The following TBCEL variants were observed in gnomAD, a reference collection of about 807,000 sequenced individuals.
TBCEL encodes the protein tubulin folding cofactor E like.
Under a neutral mutation model 44.2 loss-of-function variants are expected in TBCEL, and 15 were observed. The ratio of observed to expected loss-of-function variants is 0.34; its 90% CI spans 0.23 to 0.52. The LOEUF (loss-of-function observed/expected upper bound fraction) is 0.52, where lower values mean the gene tolerates loss of function less well. Ranked by LOEUF, TBCEL falls within the 20% of genes least tolerant of loss-of-function variation. The probability of loss-of-function intolerance (pLI) is 0.95; values close to 1 mark genes in which losing one functional copy is unlikely to be tolerated. For missense variants in TBCEL, 319 were observed against 506.3 expected, an observed-to-expected ratio of 0.63 and a Z score of 3.55; for synonymous variants, 171 against 185.4, an observed-to-expected ratio of 0.92 and a Z score of 0.63.
At chr11:121,055,774 T>C (rs892976460) in intron 6 of TBCEL, among the ~76,000 whole-genome samples, 2 of 151,808 alleles carry the variant, frequency 1.3e-5, no homozygotes, top group Non-Finnish European at 2.9e-5. Flanking sequence ...AGCTTATTTC[T>C]TTTTTTATTG....
chr11:121,066,233 G>C (rs1041192499), intron 8 of TBCEL, among the ~76,000 whole-genome samples: 1 of 152,164 alleles, frequency 6.6e-6, no homozygotes, highest in South Asian at 2.1e-4. Context: ...ACTTAAAGCC[G>C]TGCTTTGACT....
intron 2 of TBCEL, among the ~76,000 whole-genome samples, chr11:121,044,871 A>T (rs1945401018): frequency 6.6e-6 from 1 of 152,142 alleles, no homozygotes; most frequent in Admixed American, 6.5e-5. Context: ...AGGTCCAGTT[A>T]TAGGTAACTA....
chr11:121,064,865 C>T (rs1251667555), intron 8 of TBCEL, among the ~76,000 whole-genome samples: 2 of 151,994 alleles, frequency 1.3e-5, no homozygotes, highest in Admixed American at 1.3e-4. Context: ...CTCACTCTGT[C>T]GCCCAGGCTG....
intron 8 of TBCEL, among the ~76,000 whole-genome samples, chr11:121,071,545 T>C: frequency 6.6e-6 from 1 of 152,194 alleles, no homozygotes; most frequent in Non-Finnish European, 1.5e-5. Context: ...GGCTTTTCTT[T>C]GCCTTTTCTT....
At chr11:121,063,207 C>CT (rs1945756901) in intron 8 of TBCEL, among the ~76,000 whole-genome samples, 1 of 152,116 alleles carries the variant, frequency 6.6e-6, no homozygotes, top group Middle Eastern at 3.2e-3. Flanking sequence ...ATTTTAGCTT[C>CT]TGCAGGTGGG....
intron 8 of TBCEL, among the ~76,000 whole-genome samples, chr11:121,083,589 G>T (rs1003940465): frequency 2.0e-5 from 3 of 152,122 alleles, no homozygotes; most frequent in Non-Finnish European, 2.9e-5. Context: ...TCATAATTTT[G>T]TGTACAAATA....
Position 121,053,608 on chromosome 11 carries a change from C to A in TBCEL, c.331C>A (p.Pro111Thr). The A allele has an allele frequency of 6.2e-7, 1 of 1,612,210 alleles. No individual in the cohort carries two copies. The highest frequency in any genetic ancestry group is 8.5e-7 in the Non-Finnish European group (1 of 1,178,914). ...QLEFLNLSSN[P>T]LNLSVLERTC... ...GGAGTTTCTAAACCTGAGTTCCAAC[C>A]CTCTGAATTTGTCGGTTTTAGAAAG... Residue 111 changes from proline to threonine, a missense_variant, in exon 5 of 9, where the codon CCT (proline) becomes ACT (threonine). By Grantham distance (38) the Pro-to-Thr change is conservative. Coordinates refer to ENST00000683345, the MANE Select transcript of TBCEL (RefSeq NM_001363644.2).
Position 121,052,949 on chromosome 11 carries a change from A to G in TBCEL, c.274-602A>G, listed in dbSNP as rs1036255336. 4.0e-5 allele frequency among the ~76,000 whole-genome samples: 6 copies of G among 151,756 alleles called. No homozygotes were observed. In the East Asian group the frequency reaches 1.2e-3, roughly 29 times the overall value. On this transcript the variant is annotated intron_variant, in intron 4 of 8. Coordinates refer to ENST00000683345, the MANE Select transcript of TBCEL (RefSeq NM_001363644.2). ...TTTTGTCTACCAAGTTGCTAGCTAAATCGTTGATAATCTTGTTTTCCCTTT... is the reference window on the plus strand; with the variant it reads ...TTTTGTCTACCAAGTTGCTAGCTAAGTCGTTGATAATCTTGTTTTCCCTTT...
At chr11:121,066,928 T>C (rs10892668) in intron 8 of TBCEL, among the ~76,000 whole-genome samples, 56,310 of 152,024 alleles carry the variant, frequency 0.37, 11,089 homozygotes, top group African/African-American at 0.51. Flanking sequence ...AAAAACATTC[T>C]TTTTCATTTA....
intron 4 of TBCEL, among the ~76,000 whole-genome samples, chr11:121,051,153 T>C (rs1284484150): frequency 6.6e-6 from 1 of 151,740 alleles, no homozygotes; most frequent in African/African-American, 2.4e-5. Context: ...CTAGTTCAGT[T>C]TTACCTTTTA....
chr11:121,037,850 T>C (rs1450946829), intron 2 of TBCEL, among the ~76,000 whole-genome samples: 1 of 152,216 alleles, frequency 6.6e-6, no homozygotes, highest in Admixed American at 6.5e-5. Context: ...TTGATAATAC[T>C]TATTTACATT....
intron 8 of TBCEL, 39 bp from the exon 9 acceptor site, chr11:121,086,739 A>G (rs745370895): frequency 6.8e-7 from 1 of 1,473,302 alleles, no homozygotes; most frequent in East Asian, 2.3e-5. Context: ...TACATGTGCT[A>G]GTAGTTTAAG....
intron 2 of TBCEL, among the ~76,000 whole-genome samples, chr11:121,037,076 G>T (rs1945244598): frequency 6.6e-6 from 1 of 152,096 alleles, no homozygotes. Context: ...ATTTCATCTG[G>T]CAGTGTTGGA....
intron 1 of TBCEL, among the ~76,000 whole-genome samples, chr11:121,032,237 A>T (rs1021086410): frequency 6.6e-6 from 1 of 152,136 alleles, no homozygotes; most frequent in Non-Finnish European, 1.5e-5. Context: ...CTTCCCTGCC[A>T]TATTTACATG....
intron 8 of TBCEL, among the ~76,000 whole-genome samples, chr11:121,065,334 G>A (rs781196843): frequency 1.3e-5 from 2 of 152,124 alleles, no homozygotes; most frequent in African/African-American, 4.8e-5. Context: ...CATTTGCCAG[G>A]GGAAGAGGGG....
intron 6 of TBCEL, among the ~76,000 whole-genome samples, chr11:121,055,831 A>G (rs1945609873): frequency 4.0e-5 from 6 of 151,568 alleles, no homozygotes; most frequent in Admixed American, 3.9e-4. Context: ...TTAAAATTCA[A>G]CAGAGAGTAC....
At position 121,058,487 on chromosome 11, in the gene TBCEL, C is replaced by G; in HGVS notation, c.839+16C>G. 1 of 1,610,164 alleles carries G rather than the reference C, an allele frequency of 6.2e-7. No homozygotes were observed. The highest frequency in any genetic ancestry group is 8.5e-7 in the Non-Finnish European group (1 of 1,177,358). ...TAATAGCCAGGTCTGTTGTCCTGAT[C>G]GTTTTGCTTTATTTTTGTGAGGCCT... On this transcript the variant is annotated intron_variant, in intron 7 of 8. Coordinates refer to ENST00000683345, the MANE Select transcript of TBCEL (RefSeq NM_001363644.2).
At chr11:121,080,870 A>G (rs997707856) in intron 8 of TBCEL, among the ~76,000 whole-genome samples, 2 of 152,216 alleles carry the variant, frequency 1.3e-5, no homozygotes, top group Non-Finnish European at 2.9e-5. Context: ...CCGTGCTACT[A>G]AAATCTGCTG....
At chr11:121,070,295 C>T (rs112788754) in intron 8 of TBCEL, among the ~76,000 whole-genome samples, 8 of 152,086 alleles carry the variant, frequency 5.3e-5, no homozygotes, top group African/African-American at 9.7e-5. Context: ...GACAGTGTGG[C>T]GATTCCTCAA....
Sources: gnomAD v4.1 joint callset for allele counts (sites outside exome capture counted in the v4.1 genomes callset) on GRCh38, gnomAD v4.1.1 for gene constraint, MANE v1.5 for transcripts, NCBI Gene and HGNC (gene_info 2026-07-23, HGNC 2026-07-21) for gene names.